Variants in DMD observed in about 807,000 individuals in gnomAD.
The protein encoded by DMD is dystrophin, also known as mutant dystrophin.
DMD carries 63 observed loss-of-function variants against 330.1 expected under a neutral mutation model. That is an observed-to-expected ratio of 0.19 (90% CI 0.16 to 0.24). The LOEUF is 0.24. Ranked by LOEUF, DMD falls within the 10% of genes least tolerant of loss-of-function variation. The pLI is 1.00. For missense variants in DMD, 3,344 were observed against 2,684.1 expected, an observed-to-expected ratio of 1.25 and a Z score of -5.43; for synonymous variants, 1,223 against 959.8, an observed-to-expected ratio of 1.27 and a Z score of -5.07.
rs769289366 is a variant in DMD, at chrX:31,203,950, G to A, written c.9807+11C>T. Reference sequence around the variant, plus strand: ...AGAATAAATATGTTACCTAGAAGGTGAATAACTTACAAATTGGAAGCAGCT... The same window carrying A: ...AGAATAAATATGTTACCTAGAAGGTAAATAACTTACAAATTGGAAGCAGCT... On this transcript the variant is annotated intron_variant, in intron 67 of 78. Transcript: ENST00000357033. 2 of 1,196,075 alleles carry A rather than the reference G, an allele frequency of 1.7e-6. No individual in the cohort carries two copies. The highest frequency in any genetic ancestry group is 2.3e-6 in the Non-Finnish European group (2 of 881,112).
At chrX:31,805,619 A>T (rs921358085) in intron 50 of DMD, among the ~76,000 whole-genome samples, 3 of 111,961 alleles carry the variant, frequency 2.7e-5, no homozygotes, top group Non-Finnish European at 5.6e-5. Context: ...GTCCTTTTAT[A>T]TAACTACTAC....
At chrX:32,510,351 A>T (rs1007817083) in intron 18 of DMD, among the ~76,000 whole-genome samples, 1 of 111,897 alleles carries the variant, frequency 8.9e-6, no homozygotes, top group Admixed American at 9.5e-5. Context: ...TTCCCCCATC[A>T]AATGCCACTT....
At chrX:32,111,877 T>C (rs954989788) in intron 44 of DMD, among the ~76,000 whole-genome samples, 1 of 111,920 alleles carries the variant, frequency 8.9e-6, no homozygotes, top group Admixed American at 9.5e-5. Flanking sequence ...CCCAGTCCCG[T>C]TTTTGCCCAT....
chrX:32,988,416 A>C (rs2092900779), intron 2 of DMD, among the ~76,000 whole-genome samples: 1 of 109,886 alleles, frequency 9.1e-6, no homozygotes, highest in Non-Finnish European at 1.9e-5. Context: ...TACCGTCTTA[A>C]TGTCTTCAAT....
chrX:32,995,087 G>A (rs1046752042), intron 2 of DMD, among the ~76,000 whole-genome samples: 1 of 111,996 alleles, frequency 8.9e-6, no homozygotes, highest in African/African-American at 3.2e-5. Context: ...CCTGAGTGAC[G>A]AAGTGAGATC....
chrX:32,027,724 C>T (rs1472164677), intron 44 of DMD, among the ~76,000 whole-genome samples: 5 of 112,177 alleles, frequency 4.5e-5, no homozygotes, highest in Non-Finnish European at 7.5e-5. Context: ...TCCATCTTCT[C>T]TTGAGGAATA....
chrX:32,025,970 C>A (rs1281958504), intron 44 of DMD, among the ~76,000 whole-genome samples: 1 of 111,911 alleles, frequency 8.9e-6, no homozygotes, highest in Non-Finnish European at 1.9e-5. Flanking sequence ...GTATTTTTTT[C>A]ATCTGGATGA....
intron 1 of DMD, among the ~76,000 whole-genome samples, chrX:33,333,575 A>G (rs1411520749): frequency 9.0e-6 from 1 of 111,029 alleles, no homozygotes; most frequent in Non-Finnish European, 1.9e-5. Context: ...GTGAGCAGAA[A>G]TTATATCTTT....
intron 26 of DMD, among the ~76,000 whole-genome samples, chrX:32,451,910 A>G (rs761921566): frequency 1.8e-5 from 2 of 110,651 alleles, no homozygotes; most frequent in African/African-American, 3.3e-5. Context: ...TATCACCCCC[A>G]TACTAAACCA....
chrX:31,991,821 A>G (rs1160489146), intron 44 of DMD, among the ~76,000 whole-genome samples: 1 of 110,999 alleles, frequency 9.0e-6, no homozygotes, highest in African/African-American at 3.3e-5. Flanking sequence ...AAAATGGCAG[A>G]GAAGCCAATG....
At chrX:32,720,143 T>C (rs1054599897) in intron 7 of DMD, among the ~76,000 whole-genome samples, 2 of 111,627 alleles carry the variant, frequency 1.8e-5, no homozygotes, top group Non-Finnish European at 3.8e-5. Context: ...ACACCTATTA[T>C]ACGAGTCAAA....
At chrX:33,198,163 T>C (rs1361947356) in intron 1 of DMD, among the ~76,000 whole-genome samples, 1 of 111,425 alleles carries the variant, frequency 9.0e-6, no homozygotes, top group Non-Finnish European at 1.9e-5. Flanking sequence ...TAATTTGCAT[T>C]TCTTTAATGG....
chrX:31,649,078 G>GTA (rs2080284341), intron 54 of DMD, among the ~76,000 whole-genome samples: 1 of 111,101 alleles, frequency 9.0e-6, no homozygotes, highest in Admixed American at 9.6e-5. Flanking sequence ...TAACATTAAT[G>GTA]GTTCAATTAA....
At position 32,263,916 on chromosome X, in the gene DMD, C is replaced by T. The variant is rs775101047; in HGVS notation, c.6290+23613G>A. On this transcript the variant is annotated intron_variant, in intron 43 of 78. Coordinates refer to ENST00000357033, the MANE Select transcript of DMD (RefSeq NM_004006.3). ...CCCAAAGGAAAAAATGTAAATGAAA[C>T]TCACTTCCAAGAGACTACTGCTCTC... Among the ~76,000 whole-genome samples, 4 of 111,883 alleles carry T rather than the reference C, an allele frequency of 3.6e-5. No individual in the cohort carries two copies. In the Admixed American group the frequency reaches 3.8e-4, roughly 11 times the overall value.
chrX:31,956,292 A>G (rs1372945813), intron 45 of DMD, among the ~76,000 whole-genome samples: 1 of 112,149 alleles, frequency 8.9e-6, no homozygotes, highest in Non-Finnish European at 1.9e-5. Context: ...GAAGATGAAT[A>G]TATTTCTACT....
rs970886442 is a variant in DMD at position 32,130,181 on chromosome X, C to T, written c.6438+86735G>A. On this transcript the variant is annotated intron_variant, in intron 44 of 78. Coordinates refer to ENST00000357033, the MANE Select transcript of DMD (RefSeq NM_004006.3). The stretch of plus-strand genomic sequence containing the variant: ...TTACACAGGTGCCTGAATAATTTGC[C>T]TTATCACTCCACACTGGTGCAAGTG... Among the ~76,000 whole-genome samples, 4 of 110,688 alleles carry T rather than the reference C, an allele frequency of 3.6e-5. No individual in the cohort carries two copies. In the Admixed American group the frequency reaches 3.9e-4, roughly 11 times the overall value.
intron 55 of DMD, among the ~76,000 whole-genome samples, chrX:31,516,297 A>AC (rs746439281): frequency 2.3e-3 from 245 of 105,794 alleles, no homozygotes; most frequent in Admixed American, 9.8e-3. Flanking sequence ...AAAAAAAAAA[A>AC]CCCGAAGTGG....
chrX:31,890,966 T>A (rs1251818835), intron 47 of DMD, among the ~76,000 whole-genome samples: 1 of 112,105 alleles, frequency 8.9e-6, no homozygotes, highest in African/African-American at 3.2e-5. Context: ...TGTGTAATAT[T>A]CATATTGTTG....
At chrX:32,644,915 A>G in intron 10 of DMD, 49 bp downstream of exon 10, 2 of 1,181,283 alleles carry the variant, frequency 1.7e-6, no homozygotes, top group Non-Finnish European at 2.3e-6. Flanking sequence ...ATGACTTGCC[A>G]TTATAACAAG....
Sources: gnomAD v4.1 joint callset for allele counts (sites outside exome capture counted in the v4.1 genomes callset) on GRCh38, gnomAD v4.1.1 for gene constraint, MANE v1.5 for transcripts, NCBI Gene and HGNC (gene_info 2026-07-23, HGNC 2026-07-21) for gene names.